Variants in CLIC5 observed in about 807,000 individuals in gnomAD.
The protein encoded by CLIC5 is CLIC family member 5.
Under a neutral mutation model 24.7 loss-of-function variants are expected in CLIC5, and 20 were observed. The observed-to-expected ratio is 0.81, with a 90% CI of 0.57 to 1.18. The LOEUF (loss-of-function observed/expected upper bound fraction) is 1.18, where lower values mean the gene tolerates loss of function less well. Among genes scored for constraint, CLIC5 ranks in the 50% most tolerant of loss-of-function variants. CLIC5 has a pLI of 0.00. For missense variants in CLIC5, 341 were observed against 326.1 expected (o/e 1.05, Z -0.35); for synonymous variants, 159 against 135.6 (o/e 1.17, Z -1.20).
intron 4 of CLIC5, among the ~76,000 whole-genome samples, chr6:45,922,819 G>GGA (rs1763317817): frequency 6.8e-6 from 1 of 146,208 alleles, no homozygotes; most frequent in Non-Finnish European, 1.5e-5. Flanking sequence ...GAGAGAGAGA[G>GGA]AGAAAGAGAG....
At chr6:46,126,948 A>G in the CLIC5 span, among the ~76,000 whole-genome samples, 1 of 152,218 alleles carries the variant, frequency 6.6e-6, no homozygotes, top group Non-Finnish European at 1.5e-5. Flanking sequence ...TGAAAACAGG[A>G]TAAGATTTTT....
At chr6:46,099,101 T>G in the CLIC5 span, among the ~76,000 whole-genome samples, 4 of 152,118 alleles carry the variant, frequency 2.6e-5, no homozygotes, top group East Asian at 7.7e-4. Flanking sequence ...GGACAGAAAA[T>G]GGCTAAAAAG....
At chr6:45,985,879 TC>T (rs1335090507) in intron 1 of CLIC5, among the ~76,000 whole-genome samples, 1 of 152,164 alleles carries the variant, frequency 6.6e-6, no homozygotes, top group Non-Finnish European at 1.5e-5. Context: ...CCAAATCTCA[TC>T]TTGAATTGTA....
intron 1 of CLIC5, among the ~76,000 whole-genome samples, chr6:45,984,911 G>T (rs899896366): frequency 6.6e-6 from 1 of 152,132 alleles, no homozygotes; most frequent in African/African-American, 2.4e-5. Flanking sequence ...TAATACCAGG[G>T]AAACAAGGTC....
At chr6:46,029,021 C>T (rs370850266) in intron 1 of CLIC5, among the ~76,000 whole-genome samples, 1 of 152,138 alleles carries the variant, frequency 6.6e-6, no homozygotes, top group African/African-American at 2.4e-5. Context: ...TTACTGTCTC[C>T]ATAGTTTCGC....
chr6:45,955,584 A>G (rs1764616220), intron 1 of CLIC5, among the ~76,000 whole-genome samples: 1 of 152,128 alleles, frequency 6.6e-6, no homozygotes, highest in South Asian at 2.1e-4. Context: ...TACACCCCCA[A>G]GTAATCATCT....
chr6:46,059,529 T>C (rs1236143077), intron 1 of CLIC5, among the ~76,000 whole-genome samples: 1 of 152,216 alleles, frequency 6.6e-6, no homozygotes, highest in Non-Finnish European at 1.5e-5. Context: ...GAAACAGTGA[T>C]AGTAAATTCA....
the CLIC5 span, among the ~76,000 whole-genome samples, chr6:46,095,604 C>T: frequency 2.0e-4 from 30 of 152,292 alleles, no homozygotes; most frequent in African/African-American, 7.0e-4. Flanking sequence ...ATAACAAAAG[C>T]GACATTTGTT....
At chr6:46,108,508 T>G in the CLIC5 span, among the ~76,000 whole-genome samples, 1 of 151,968 alleles carries the variant, frequency 6.6e-6, no homozygotes, top group African/African-American at 2.4e-5. Flanking sequence ...GCGATTCTCC[T>G]GCCTCAGCCT....
intron 1 of CLIC5, among the ~76,000 whole-genome samples, chr6:46,021,175 AAC>A (rs1450117048): frequency 6.6e-6 from 1 of 152,132 alleles, no homozygotes; most frequent in East Asian, 1.9e-4. Context: ...ACCAATGGCA[AAC>A]ACATGAAAAT....
chr6:46,077,063 C>T lies in CLIC5; in HGVS notation c.540+2640G>A, dbSNP rs567605655. On this transcript the variant is annotated intron_variant, in intron 1 of 5. Transcript: ENST00000185206. Reference sequence around the variant, plus strand: ...GAGGTTGCAGTGAGCTGCCCTCCAGCCTGGGTGGCAGAGTGAAACTCCGTC... The same window carrying T: ...GAGGTTGCAGTGAGCTGCCCTCCAGTCTGGGTGGCAGAGTGAAACTCCGTC... 2.0e-5 allele frequency among the ~76,000 whole-genome samples: 3 copies of T among 152,028 alleles called. No homozygotes were observed. In the South Asian group the frequency reaches 6.2e-4, roughly 32 times the overall value.
chr6:46,057,736 C>T (rs1021001876), intron 1 of CLIC5, among the ~76,000 whole-genome samples: 2 of 152,194 alleles, frequency 1.3e-5, no homozygotes. Context: ...CATCCCCACC[C>T]CTACAAACTA....
At chr6:45,968,550 A>G (rs1765092094) in intron 1 of CLIC5, among the ~76,000 whole-genome samples, 1 of 152,152 alleles carries the variant, frequency 6.6e-6, no homozygotes, top group Non-Finnish European at 1.5e-5. Context: ...AGCTCACACA[A>G]TGGATGCCCC....
intron 1 of CLIC5, among the ~76,000 whole-genome samples, chr6:46,010,434 G>C (rs1766764501): frequency 6.6e-6 from 1 of 152,118 alleles, no homozygotes; most frequent in Non-Finnish European, 1.5e-5. Flanking sequence ...CAACACACTG[G>C]TGAACCCGAG....
intron 1 of CLIC5, among the ~76,000 whole-genome samples, chr6:45,983,487 C>G (rs1249472621): frequency 6.6e-6 from 1 of 152,084 alleles, no homozygotes; most frequent in African/African-American, 2.4e-5. Flanking sequence ...GTTGGAAGAG[C>G]GATTGTGGCA....
chr6:45,926,841 T>C (rs1411821217), intron 4 of CLIC5, among the ~76,000 whole-genome samples: 1 of 152,178 alleles, frequency 6.6e-6, no homozygotes, highest in East Asian at 1.9e-4. Flanking sequence ...CTTGCATTCT[T>C]TTATTGATTG....
At chr6:45,983,850 T>C (rs1765645078) in intron 1 of CLIC5, among the ~76,000 whole-genome samples, 2 of 152,234 alleles carry the variant, frequency 1.3e-5, no homozygotes. Context: ...ATTTCCTTAA[T>C]AGCACTTTTT....
the CLIC5 span, among the ~76,000 whole-genome samples, chr6:46,114,837 A>G: frequency 1.3e-4 from 20 of 152,176 alleles, no homozygotes; most frequent in Non-Finnish European, 7.3e-5. Context: ...GGGCTACAGA[A>G]GCAGCTGAAA....
At chr6:45,913,030 C>G (rs1015795189) in intron 5 of CLIC5, among the ~76,000 whole-genome samples, 1 of 152,164 alleles carries the variant, frequency 6.6e-6, no homozygotes, top group Non-Finnish European at 1.5e-5. Context: ...GGGACTTGAG[C>G]TGAAAAATAA....
Sources: gnomAD v4.1 joint callset for allele counts (sites outside exome capture counted in the v4.1 genomes callset) on GRCh38, gnomAD v4.1.1 for gene constraint, MANE v1.5 for transcripts, NCBI Gene and HGNC (gene_info 2026-07-23, HGNC 2026-07-21) for gene names.